ZDHHC15: variants seen among roughly 807,000 people sequenced by gnomAD.
The protein encoded by ZDHHC15 is zDHHC palmitoyltransferase 15.
In ZDHHC15, 19 loss-of-function variants were observed where a neutral mutation model predicts 31.7. The observed-to-expected ratio is 0.60, with a 90% CI of 0.42 to 0.88. The LOEUF (loss-of-function observed/expected upper bound fraction) is 0.88, where lower values mean the gene tolerates loss of function less well. Among genes scored for constraint, ZDHHC15 ranks in the 40% least tolerant of loss-of-function variants. The pLI, the probability that ZDHHC15 is intolerant of heterozygous loss-of-function variation, is 0.00. For synonymous variants in ZDHHC15, 103 were observed against 90.0 expected, an observed-to-expected ratio of 1.14 and a Z score of -0.82; for missense variants, 209 against 251.2, an observed-to-expected ratio of 0.83 and a Z score of 1.14.
chrX:75,511,824 G>C (rs1480686113), intron 1 of ZDHHC15, among the ~76,000 whole-genome samples: 4 of 57,332 alleles, frequency 7.0e-5, no homozygotes, highest in Admixed American at 2.3e-4. Flanking sequence ...GCCGGGCAGA[G>C]ACACAACCAA....
chrX:75,437,278 T>G (rs1301000746), intron 4 of ZDHHC15, among the ~76,000 whole-genome samples: 1 of 108,968 alleles, frequency 9.2e-6, no homozygotes, highest in African/African-American at 3.3e-5. Context: ...TTGTTTTTTT[T>G]TTTTAAATTT....
At chrX:75,386,278 C>A (rs949352192) in intron 10 of ZDHHC15, among the ~76,000 whole-genome samples, 1 of 111,555 alleles carries the variant, frequency 9.0e-6, no homozygotes, top group African/African-American at 3.3e-5. Context: ...ATTAATTCCC[C>A]CCAGTCCTGA....
rs1196578193 is a variant in ZDHHC15, at chrX:75,412,436, CT to C, written c.967+4650del. Among the ~76,000 whole-genome samples the C allele has an allele frequency of 4.1e-3, 428 of 103,316 alleles. 1 individual carries two copies. Among genetic ancestry groups the C allele is most frequent in the African/African-American group, 0.012 (339 of 28,673 alleles). The allele number at this position is 103,316 out of a possible 115,157, so 89.7% of individuals were successfully genotyped here. A position where few individuals can be genotyped will look rare whatever the true frequency, so the allele number is the denominator to read the frequency against. On this transcript the variant is annotated intron_variant, in intron 10 of 11. Coordinates refer to ENST00000373367, the MANE Select transcript of ZDHHC15 (RefSeq NM_144969.3). ...GACAGATATACAACTGATTATTATTCTTTTTTTTTTTTGACACGGAAGTATC... is the reference window on the plus strand; with the variant it reads ...GACAGATATACAACTGATTATTATTCTTTTTTTTTTTGACACGGAAGTATC...
intron 3 of ZDHHC15, among the ~76,000 whole-genome samples, chrX:75,467,245 G>C (rs2084421243): frequency 8.9e-6 from 1 of 112,158 alleles, no homozygotes; most frequent in East Asian, 2.8e-4. Context: ...GTAGCACCTT[G>C]TGGTGGCACT....
chrX:75,506,533 CCAGA>C (rs1039554532), intron 1 of ZDHHC15, among the ~76,000 whole-genome samples: 54 of 111,890 alleles, frequency 4.8e-4, no homozygotes, highest in Non-Finnish European at 8.1e-4. Flanking sequence ...AAAAATCTGA[CCAGA>C]CAATGTTTTT....
chrX:75,453,518 T>C (rs1317963700), intron 3 of ZDHHC15, among the ~76,000 whole-genome samples: 1 of 110,705 alleles, frequency 9.0e-6, no homozygotes, highest in Non-Finnish European at 1.9e-5. Context: ...AAAGAGGGAA[T>C]CCTCCCTAAC....
intron 10 of ZDHHC15, among the ~76,000 whole-genome samples, chrX:75,416,244 A>G (rs2083546797): frequency 1.8e-5 from 2 of 111,688 alleles, no homozygotes; most frequent in South Asian, 7.6e-4. Flanking sequence ...AAAAATTAGA[A>G]AGGCTTGTTC....
Position 75,505,904 on chromosome X carries a change from A to T in ZDHHC15, c.137-57T>A, listed in dbSNP as rs2085153356. On this transcript the variant is annotated intron_variant, in intron 1 of 11. Transcript: ENST00000373367. ...AGACAGACAGAGATGGATGAGAGAG[A>T]GAGAGAGAGAAATTAGTTATATTTA... is the stretch of plus-strand genomic sequence containing the variant. 3 of 1,021,065 alleles carry T rather than the reference A, an allele frequency of 2.9e-6. No homozygotes were observed. The South Asian group carries it at 5.8e-5, about 20-fold the overall frequency. The allele number at this position is 1,021,065 out of a possible 1,213,427, so 84.1% of individuals were successfully genotyped here. A position where few individuals can be genotyped will look rare whatever the true frequency, so the allele number is the denominator to read the frequency against.
intron 10 of ZDHHC15, among the ~76,000 whole-genome samples, chrX:75,387,650 C>G (rs897359304): frequency 9.0e-6 from 1 of 111,680 alleles, no homozygotes; most frequent in Non-Finnish European, 1.9e-5. Context: ...AGATCACCTA[C>G]AAGATACAGA....
chrX:75,521,613 G>A (rs993132821), intron 1 of ZDHHC15, among the ~76,000 whole-genome samples: 1 of 110,876 alleles, frequency 9.0e-6, no homozygotes, highest in Non-Finnish European at 1.9e-5. Context: ...GCTCCTTAGT[G>A]TGACAGGACA....
chrX:75,478,897 G>A lies in ZDHHC15; in HGVS notation c.252C>T (p.Asn84=). Residue 84 remains asparagine, a synonymous_variant, in exon 3 of 12, where the codon AAC becomes AAT. Coordinates refer to ENST00000373367, the MANE Select transcript of ZDHHC15 (RefSeq NM_144969.3). ...KSIFTLPQQP[N]QKFHLSYTDK... The stretch of plus-strand genomic sequence containing the variant: ...AAGTAACCAATATTCTTACCTTCTG[G>A]TTTGGCTGCTGTGGGAGTGTAAAGA... The A allele has an allele frequency of 5.9e-6, 7 of 1,192,861 alleles. No individual in the cohort carries two copies. The highest frequency in any genetic ancestry group is 7.9e-6 in the Non-Finnish European group (7 of 883,200).
intron 4 of ZDHHC15, among the ~76,000 whole-genome samples, chrX:75,437,533 G>A (rs1437169700): frequency 8.6e-5 from 8 of 92,719 alleles, no homozygotes; most frequent in East Asian, 3.5e-4. Context: ...GAGAATATGC[G>A]GTGTTTGGTT....
intron 10 of ZDHHC15, among the ~76,000 whole-genome samples, chrX:75,389,602 C>G (rs756346534): frequency 9.0e-5 from 10 of 110,712 alleles, no homozygotes; most frequent in Non-Finnish European, 1.9e-4. Context: ...TAGACACACC[C>G]TGTGCCAGAA....
intron 2 of ZDHHC15, among the ~76,000 whole-genome samples, chrX:75,489,664 A>C (rs1262676036): frequency 8.9e-6 from 1 of 112,128 alleles, no homozygotes; most frequent in Non-Finnish European, 1.9e-5. Flanking sequence ...AAAAACTGAA[A>C]ACTCTAAAAA....
At chrX:75,425,613 G>A (rs1027306029) in intron 7 of ZDHHC15, among the ~76,000 whole-genome samples, 6 of 112,030 alleles carry the variant, frequency 5.4e-5, no homozygotes, top group African/African-American at 1.9e-4. Flanking sequence ...ATAGTTGGGG[G>A]AATGACTACT....
intron 4 of ZDHHC15, among the ~76,000 whole-genome samples, chrX:75,439,228 GT>G (rs933294809): frequency 9.0e-6 from 1 of 111,374 alleles, no homozygotes; most frequent in Non-Finnish European, 1.9e-5. Flanking sequence ...ATTTTCCTCG[GT>G]TTTTCCCCCA....
At chrX:75,488,314 C>T (rs2148001276) in intron 2 of ZDHHC15, among the ~76,000 whole-genome samples, 1 of 112,080 alleles carries the variant, frequency 8.9e-6, no homozygotes, top group Non-Finnish European at 1.9e-5. Flanking sequence ...AGATTAACAG[C>T]AGATTTCTCA....
At chrX:75,499,103 C>G (rs2085052980) in intron 2 of ZDHHC15, among the ~76,000 whole-genome samples, 1 of 111,405 alleles carries the variant, frequency 9.0e-6, no homozygotes, top group East Asian at 2.8e-4. Flanking sequence ...GAAACTGAAG[C>G]CTCATCTCTC....
Position 75,417,094 on chromosome X carries a change from G to A in ZDHHC15, c.960C>T (p.Asp320=). ...GTCTTTGACCCCACTTACCTTGGTT[G>A]TCATCCTCGTTGTCTTCCCAGGTTT... is the stretch of plus-strand genomic sequence containing the variant. ...NEETWEDNED[D]NQDYPEGSSS... Residue 320 remains aspartate, a synonymous_variant, in exon 10 of 12, where the codon GAC becomes GAT. Coordinates refer to ENST00000373367, the MANE Select transcript of ZDHHC15 (RefSeq NM_144969.3). 8.3e-7 allele frequency: 1 copy of A among 1,205,387 alleles called. No homozygotes were observed. The highest frequency in any genetic ancestry group is 1.8e-5 in the South Asian group (1 of 56,745).
Sources: allele counts gnomAD v4.1 joint callset (sites outside exome capture counted in the v4.1 genomes callset), GRCh38; gene constraint gnomAD v4.1.1; transcripts MANE v1.5; gene names NCBI Gene and HGNC (gene_info 2026-07-23, HGNC 2026-07-21).